POLR3B: variants seen among roughly 807,000 people sequenced by gnomAD.
The protein encoded by POLR3B is DNA-directed RNA polymerase III subunit RPC2.
A neutral mutation model predicts 147.4 loss-of-function variants in POLR3B; 96 were observed. The ratio of observed to expected loss-of-function variants is 0.65; its 90% CI spans 0.55 to 0.77. The LOEUF is 0.77. Ranked by LOEUF, POLR3B falls within the 30% of genes least tolerant of loss-of-function variation. POLR3B has a pLI of 0.00. For synonymous variants in POLR3B, 461 were observed against 485.9 expected (o/e 0.95, Z 0.67); for missense variants, 1,036 against 1,413.5 (o/e 0.73, Z 4.28).
rs189975845 is a variant in POLR3B, at chr12:106,445,833, A to G, written c.2083+1243A>G. Among the ~76,000 whole-genome samples, 10 of 152,232 alleles carry G rather than the reference A, an allele frequency of 6.6e-5. No individual in the cohort carries two copies. The East Asian group carries it at 1.9e-3, about 29-fold the overall frequency. On this transcript the variant is annotated intron_variant, in intron 19 of 27. Transcript: ENST00000228347. ...GCATTTAGCTCCTCCATTACCAACA[A>G]CCAGCTGCAACTGACCATAGCTTGG...
chr12:106,380,411 CAAAAAAAAA>C (rs147457953), intron 9 of POLR3B, among the ~76,000 whole-genome samples: 4 of 98,994 alleles, frequency 4.0e-5, no homozygotes, highest in African/African-American at 1.1e-4. Flanking sequence ...CCATCTCTAC[CAAAAAAAAA>C]AAAAAAAAAA....
chr12:106,461,047 C>T (rs2137034128), intron 22 of POLR3B, among the ~76,000 whole-genome samples: 1 of 152,104 alleles, frequency 6.6e-6, no homozygotes, highest in South Asian at 2.1e-4. Flanking sequence ...TGAAACAGCT[C>T]CAGAAGAGGT....
intron 9 of POLR3B, among the ~76,000 whole-genome samples, chr12:106,386,473 C>T (rs1354640237): frequency 6.6e-6 from 1 of 151,690 alleles, no homozygotes; most frequent in East Asian, 1.9e-4. Flanking sequence ...ATGCATAGTA[C>T]TCTTTCTTTC....
intron 23 of POLR3B, among the ~76,000 whole-genome samples, chr12:106,473,907 T>C (rs1222176806): frequency 6.6e-6 from 1 of 151,400 alleles, no homozygotes; most frequent in Non-Finnish European, 1.5e-5. Flanking sequence ...CTATGTTGAA[T>C]AGGAGTGGTG....
chr12:106,495,870 A>T, intron 23 of POLR3B, 185 bp from the exon 24 acceptor site: 2 of 691,866 alleles, frequency 2.9e-6, no homozygotes, highest in South Asian at 3.1e-5. Context: ...TCGCAAGGAG[A>T]GTCGTTTTTG....
At chr12:106,409,332 AC>A (rs1465588780) in intron 11 of POLR3B, among the ~76,000 whole-genome samples, 1 of 136,204 alleles carries the variant, frequency 7.3e-6, no homozygotes, top group South Asian at 2.4e-4. Context: ...AACTGGTGTT[AC>A]GATTGTAAGA....
intron 15 of POLR3B, among the ~76,000 whole-genome samples, chr12:106,433,200 G>C (rs977178602): frequency 6.6e-6 from 1 of 152,168 alleles, no homozygotes; most frequent in Non-Finnish European, 1.5e-5. Context: ...TTGTATCCCA[G>C]AGGCTAACAT....
intron 23 of POLR3B, among the ~76,000 whole-genome samples, chr12:106,479,044 C>T (rs2038224249): frequency 6.6e-6 from 1 of 152,146 alleles, no homozygotes; most frequent in African/African-American, 2.4e-5. Context: ...TTCTTCCCTT[C>T]TTGACATTCT....
intron 27 of POLR3B, among the ~76,000 whole-genome samples, chr12:106,505,501 T>C (rs181005864): frequency 6.6e-6 from 1 of 152,238 alleles, no homozygotes; most frequent in Admixed American, 6.5e-5. Flanking sequence ...TTGCCCAGGC[T>C]TGTCTCAAAC....
chr12:106,393,491 T>TTGTGTGTGTGTG lies in POLR3B; in HGVS notation c.846+366_846+377dup, dbSNP rs71072674. Among the ~76,000 whole-genome samples, 296 of 141,462 alleles carry TTGTGTGTGTGTG rather than the reference T, an allele frequency of 2.1e-3. 1 individual carries two copies. The highest frequency in any genetic ancestry group is 7.1e-3 in the African/African-American group (264 of 37,158). 92.8% of individuals were successfully genotyped at this position (141,462 alleles called of 152,430 possible). On this transcript the variant is annotated intron_variant, in intron 10 of 27. Coordinates refer to ENST00000228347, the MANE Select transcript of POLR3B (RefSeq NM_018082.6). ...CTATGGCAACTCTCGTGTACAGGTT[T>TTGTGTGTGTGTG]TGTGTGTGTGTGTGTGTGTGTGTGT...
Position 106,357,886 on chromosome 12 carries a change from G to A in POLR3B, c.7G>A (p.Val3Met). ...TTCCTCCTTCGTGAGCAGCATGGACGTGCTAGCGGAGGAGTTTGGGAACCT... is the reference window on the plus strand; with the variant it reads ...TTCCTCCTTCGTGAGCAGCATGGACATGCTAGCGGAGGAGTTTGGGAACCT... MD[V>M]LAEEFGNLTP... Residue 3 changes from valine (V) to methionine (M), a missense_variant, in exon 1 of 28, where the codon GTG (valine) becomes ATG (methionine). Transcript: ENST00000228347. 6.2e-7 allele frequency: 1 copy of A among 1,613,622 alleles called. No homozygotes were observed. The highest frequency in any genetic ancestry group is 8.5e-7 in the Non-Finnish European group (1 of 1,179,932).
chr12:106,471,293 G>A (rs1259168511), intron 23 of POLR3B, among the ~76,000 whole-genome samples: 1 of 152,190 alleles, frequency 6.6e-6, no homozygotes, highest in African/African-American at 2.4e-5. Flanking sequence ...GGGATCTCCT[G>A]CTCTGCCGGT....
chr12:106,467,958 T>G (rs1377378577), intron 23 of POLR3B, among the ~76,000 whole-genome samples: 3 of 152,218 alleles, frequency 2.0e-5, no homozygotes, highest in Non-Finnish European at 4.4e-5. Context: ...AGGATGATGC[T>G]GGCCTCATAA....
chr12:106,414,321 C>T (rs527985310), intron 12 of POLR3B, among the ~76,000 whole-genome samples: 1 of 151,300 alleles, frequency 6.6e-6, no homozygotes, highest in South Asian at 2.1e-4. Flanking sequence ...TACTCTTACT[C>T]AAGATAGATT....
In POLR3B at chr12:106,497,597, T is replaced by G. The variant is rs897267718; in HGVS notation, c.2984+679T>G. On this transcript the variant is annotated intron_variant, in intron 25 of 27. Coordinates refer to ENST00000228347, the MANE Select transcript of POLR3B (RefSeq NM_018082.6). The stretch of plus-strand genomic sequence containing the variant: ...CTGTTGAACTTTCCCTGCAATTATG[T>G]GATGAGTATCAGAATAATAAATGCT... Among the ~76,000 whole-genome samples the G allele has an allele frequency of 3.3e-5, 5 of 152,366 alleles. No individual in the cohort carries two copies. The South Asian group carries it at 6.2e-4, about 19-fold the overall frequency.
At chr12:106,368,056 T>C (rs1369464147) in intron 4 of POLR3B, among the ~76,000 whole-genome samples, 3 of 152,138 alleles carry the variant, frequency 2.0e-5, no homozygotes, top group African/African-American at 7.2e-5. Flanking sequence ...ATGAGTACTA[T>C]CATATATATA....
intron 23 of POLR3B, among the ~76,000 whole-genome samples, chr12:106,472,842 T>A (rs1408314071): frequency 1.6e-5 from 2 of 128,338 alleles, no homozygotes; most frequent in Non-Finnish European, 3.2e-5. Context: ...TAGTTTCTTT[T>A]GCTGTGCAGA....
intron 12 of POLR3B, among the ~76,000 whole-genome samples, chr12:106,417,964 T>A (rs1240257141): frequency 1.2e-4 from 19 of 152,182 alleles, no homozygotes; most frequent in Non-Finnish European, 2.8e-4. Context: ...TTATAAACAA[T>A]GTAAAGACAT....
chr12:106,487,261 T>G (rs1251012191), intron 23 of POLR3B, among the ~76,000 whole-genome samples: 1 of 152,206 alleles, frequency 6.6e-6, no homozygotes, highest in Non-Finnish European at 1.5e-5. Context: ...TGCAGAGGTT[T>G]GTTTGTTTGT....
Sources: allele counts gnomAD v4.1 joint callset (sites outside exome capture counted in the v4.1 genomes callset), GRCh38; gene constraint gnomAD v4.1.1; transcripts MANE v1.5; gene names NCBI Gene and HGNC (gene_info 2026-07-23, HGNC 2026-07-21).